The following KCNH7 variants were observed in gnomAD, a reference collection of about 807,000 sequenced individuals.
The protein encoded by KCNH7 is potassium voltage-gated channel subfamily H member 7.
In KCNH7, 49 loss-of-function variants were observed where a neutral mutation model predicts 120.8. The observed-to-expected ratio is 0.41, with a 90% confidence interval of 0.32 to 0.51. The LOEUF (loss-of-function observed/expected upper bound fraction) is 0.51. Among genes scored for constraint, KCNH7 ranks in the 20% least tolerant of loss-of-function variants. KCNH7 has a pLI of 0.38. For missense variants in KCNH7, 1,097 were observed against 1,446.6 expected (o/e 0.76, Z 3.92); for synonymous variants, 547 against 516.1 (o/e 1.06, Z -0.81).
At chr2:162,503,966 G>A (rs886190992) in intron 6 of KCNH7, among the ~76,000 whole-genome samples, 1 of 151,376 alleles carries the variant, frequency 6.6e-6, no homozygotes, top group African/African-American at 2.4e-5. Flanking sequence ...GTGTTCCACT[G>A]ACTTTTCATC....
intron 7 of KCNH7, among the ~76,000 whole-genome samples, chr2:162,444,752 T>C (rs16846707): frequency 0.074 from 11,243 of 152,170 alleles, 1,330 homozygotes; most frequent in African/African-American, 0.25. Flanking sequence ...GAACCACCCA[T>C]TATAAGAAAC....
intron 2 of KCNH7, among the ~76,000 whole-genome samples, chr2:162,788,767 C>T (rs1285823640): frequency 6.6e-6 from 1 of 151,790 alleles, no homozygotes; most frequent in Non-Finnish European, 1.5e-5. Flanking sequence ...TATCTACATT[C>T]ATAAAATGTA....
rs141676950 is a variant in KCNH7, at chr2:162,513,358, T to TTTCCTGCCTTCC, written c.893-685_893-684insGGAAGGCAGGAA. On this transcript the variant is annotated intron_variant, in intron 4 of 15. Transcript: ENST00000332142. ...CCTTCCTTCCCTCCTTCCCTCCTTC[T>TTTCCTGCCTTCC]TTCCTTCCTTCCTTCCTTCCTTCCT... 4.4e-5 allele frequency among the ~76,000 whole-genome samples: 4 copies of TTTCCTGCCTTCC among 91,768 alleles called. No individual in the cohort carries two copies. In the East Asian group the frequency reaches 1.3e-3, roughly 29 times the overall value. The allele number at this position is 91,768 out of a possible 152,430, so 60.2% of individuals were successfully genotyped here. A position where few individuals can be genotyped will look rare whatever the true frequency, so the allele number is the denominator to read the frequency against.
chr2:162,681,447 C>G (rs1158886799), intron 2 of KCNH7, among the ~76,000 whole-genome samples: 1 of 151,648 alleles, frequency 6.6e-6, no homozygotes, highest in Non-Finnish European at 1.5e-5. Flanking sequence ...TGTGATAATT[C>G]AGAAAGCCAT....
intron 2 of KCNH7, among the ~76,000 whole-genome samples, chr2:162,789,473 T>C (rs1481964353): frequency 3.3e-5 from 5 of 152,028 alleles, no homozygotes; most frequent in South Asian, 4.1e-4. Flanking sequence ...AATCAATAAG[T>C]AAACATTGGA....
chr2:162,641,554 A>T (rs549961656), intron 2 of KCNH7, among the ~76,000 whole-genome samples: 36 of 114,000 alleles, frequency 3.2e-4, no homozygotes, highest in East Asian at 1.6e-3. Context: ...CTCTGTATTT[A>T]AAAAAAAAAA....
At chr2:162,773,285 C>T (rs547130429) in intron 2 of KCNH7, among the ~76,000 whole-genome samples, 3 of 152,014 alleles carry the variant, frequency 2.0e-5, no homozygotes, top group Non-Finnish European at 4.4e-5. Context: ...GCCAAGAGTT[C>T]GAGACCAGCC....
intron 2 of KCNH7, among the ~76,000 whole-genome samples, chr2:162,539,970 T>C (rs144013252): frequency 6.6e-6 from 1 of 152,234 alleles, no homozygotes; most frequent in African/African-American, 2.4e-5. Flanking sequence ...AGATACTACT[T>C]TGGTCAAGTG....
At position 162,685,529 on chromosome 2, in the gene KCNH7, T is replaced by C. The variant is rs532036764; in HGVS notation, c.308-148449A>G. Among the ~76,000 whole-genome samples, 6 of 152,164 alleles carry C rather than the reference T, an allele frequency of 3.9e-5. No homozygotes were observed. In the South Asian group the frequency reaches 1.0e-3, roughly 26 times the overall value. On this transcript the variant is annotated intron_variant, in intron 2 of 15. Coordinates refer to ENST00000332142, the MANE Select transcript of KCNH7 (RefSeq NM_033272.4). ...GTTACACATGCTCGGAAGGAAACAC[T>C]TGGATTATTGGCAATGGCTCTATGA... is the stretch of plus-strand genomic sequence containing the variant.
At chr2:162,443,291 C>T (rs901947055) in intron 7 of KCNH7, among the ~76,000 whole-genome samples, 2 of 152,166 alleles carry the variant, frequency 1.3e-5, no homozygotes, top group Non-Finnish European at 2.9e-5. Flanking sequence ...GGGTGCTTGA[C>T]TTGCCTACAT....
intron 6 of KCNH7, among the ~76,000 whole-genome samples, chr2:162,474,917 T>A (rs1223966257): frequency 3.9e-5 from 6 of 152,232 alleles, no homozygotes; most frequent in Admixed American, 2.6e-4. Context: ...ATGATTGCTC[T>A]GGAGGAAATC....
chr2:162,741,299 CA>C (rs1688126241), intron 2 of KCNH7, among the ~76,000 whole-genome samples: 3 of 149,150 alleles, frequency 2.0e-5, no homozygotes, highest in Non-Finnish European at 4.4e-5. Context: ...ATATTAATAA[CA>C]TATGTTATTA....
chr2:162,539,023 T>C (rs908979027), intron 2 of KCNH7, among the ~76,000 whole-genome samples: 4 of 152,144 alleles, frequency 2.6e-5, no homozygotes, highest in African/African-American at 9.6e-5. Flanking sequence ...GCCTTAGGAA[T>C]GGCAAGCTGC....
intron 2 of KCNH7, among the ~76,000 whole-genome samples, chr2:162,643,453 T>C (rs373506818): frequency 1.1e-4 from 17 of 152,238 alleles, no homozygotes; most frequent in East Asian, 9.7e-4. Context: ...TGAAAATTTA[T>C]AGCTGAAATG....
chr2:162,836,839 G>T, intron 1 of KCNH7, 72 bp from the exon 2 acceptor site: 1 of 1,074,250 alleles, frequency 9.3e-7, no homozygotes, highest in Non-Finnish European at 1.4e-6. Flanking sequence ...GAAGCAATTT[G>T]TTGCATAATA....
At chr2:162,382,164 A>G (rs1282864454) in intron 13 of KCNH7, among the ~76,000 whole-genome samples, 1 of 152,076 alleles carries the variant, frequency 6.6e-6, no homozygotes, top group Non-Finnish European at 1.5e-5. Flanking sequence ...TTAAATGACA[A>G]TGGTGAATCA....
chr2:162,600,353 A>T (rs1694510682), intron 2 of KCNH7, among the ~76,000 whole-genome samples: 1 of 152,070 alleles, frequency 6.6e-6, no homozygotes, highest in Admixed American at 6.6e-5. Context: ...ATCTTCCTTT[A>T]GGGTACTTCA....
chr2:162,587,760 GGA>G (rs1366667561), intron 2 of KCNH7, among the ~76,000 whole-genome samples: 3 of 151,918 alleles, frequency 2.0e-5, no homozygotes, highest in African/African-American at 7.2e-5. Context: ...TTCTATCTAT[GGA>G]ATAGTCAAAC....
chr2:162,428,914 A>G (rs1005429269), intron 8 of KCNH7, among the ~76,000 whole-genome samples: 1 of 151,784 alleles, frequency 6.6e-6, no homozygotes, highest in Admixed American at 6.6e-5. Context: ...TAGACAGCAT[A>G]TGGCTGTCTT....
Sources: allele counts gnomAD v4.1 joint callset (sites outside exome capture counted in the v4.1 genomes callset), GRCh38; gene constraint gnomAD v4.1.1; transcripts MANE v1.5; gene names NCBI Gene and HGNC (gene_info 2026-07-23, HGNC 2026-07-21).